SCFD1: variants seen among roughly 807,000 people sequenced by gnomAD.
SCFD1 encodes the protein sec1 family domain-containing protein 1.
In SCFD1, 37 loss-of-function variants were observed where a neutral mutation model predicts 103.2. That is an observed-to-expected ratio of 0.36 (90% CI 0.28 to 0.47). The LOEUF (loss-of-function observed/expected upper bound fraction) is 0.47. Among genes scored for constraint, SCFD1 ranks in the 20% least tolerant of loss-of-function variants. The pLI is 1.00. For missense variants in SCFD1, 639 were observed against 761.2 expected (o/e 0.84, Z 1.89); for synonymous variants, 264 against 245.0 (o/e 1.08, Z -0.73).
intron 23 of SCFD1, among the ~76,000 whole-genome samples, chr14:30,732,081 C>T (rs1398894983): frequency 6.6e-6 from 1 of 152,218 alleles, no homozygotes; most frequent in East Asian, 1.9e-4. Context: ...TGAATTTTGT[C>T]AAAGACAAAA....
At chr14:30,636,897 T>C (rs1190823091) in intron 4 of SCFD1, among the ~76,000 whole-genome samples, 1 of 152,134 alleles carries the variant, frequency 6.6e-6, no homozygotes, top group African/African-American at 2.4e-5. Flanking sequence ...GCTGAACTTA[T>C]ATGTCCTTTT....
intron 3 of SCFD1, among the ~76,000 whole-genome samples, chr14:30,633,314 G>A (rs1566578065): frequency 6.6e-6 from 1 of 152,266 alleles, no homozygotes; most frequent in East Asian, 1.9e-4. Flanking sequence ...TGGGATATTT[G>A]TATGGAAATT....
At chr14:30,642,595 GA>G (rs1885393147) in intron 6 of SCFD1, among the ~76,000 whole-genome samples, 1 of 152,106 alleles carries the variant, frequency 6.6e-6, no homozygotes, top group Non-Finnish European at 1.5e-5. Context: ...TAAAGAAAAT[GA>G]TATGCAATGT....
intron 1 of SCFD1, among the ~76,000 whole-genome samples, chr14:30,627,462 C>A (rs1332015071): frequency 6.6e-6 from 1 of 152,042 alleles, no homozygotes; most frequent in African/African-American, 2.4e-5. Context: ...AAAGACTGAT[C>A]CAGGCCGGGC....
At chr14:30,673,496 A>G (rs559979821) in intron 12 of SCFD1, 149 bp downstream of exon 12, 3 of 506,590 alleles carry the variant, frequency 5.9e-6, no homozygotes, top group African/African-American at 5.8e-5. Context: ...GTGATCAAAA[A>G]GAAATCTAAA....
chr14:30,645,083 T>G (rs1157118234), intron 7 of SCFD1, among the ~76,000 whole-genome samples: 10 of 152,202 alleles, frequency 6.6e-5, no homozygotes. Flanking sequence ...ACTTACTGAA[T>G]AGGGAGTTCT....
chr14:30,693,099 G>GT (rs1204023663), intron 14 of SCFD1, among the ~76,000 whole-genome samples: 1 of 152,152 alleles, frequency 6.6e-6, no homozygotes, highest in Non-Finnish European at 1.5e-5. Context: ...ATATCAGAGA[G>GT]TCTGAAGAAT....
At chr14:30,658,057 T>A (rs892796353) in intron 10 of SCFD1, 2 of 454,330 alleles carry the variant, frequency 4.4e-6, no homozygotes, top group Admixed American at 4.7e-5. Flanking sequence ...AAGCCCTGAT[T>A]CTTTTTTATT....
chr14:30,623,835 G>A (rs926472433), intron 1 of SCFD1, among the ~76,000 whole-genome samples: 3 of 151,992 alleles, frequency 2.0e-5, no homozygotes, highest in African/African-American at 7.3e-5. Context: ...TTCAGAGGAA[G>A]GTAAATCCTT....
chr14:30,653,827 TGGAAAAGAA>T (rs1886630020), intron 10 of SCFD1: 2 of 301,500 alleles, frequency 6.6e-6, no homozygotes, highest in African/African-American at 4.3e-5. Flanking sequence ...TTGTTGGCCA[TGGAAAAGAA>T]GGAAAAGAAA....
chr14:30,719,435 AT>A (rs1892502135), intron 21 of SCFD1, 58 bp downstream of exon 21: 10 of 1,266,550 alleles, frequency 7.9e-6, no homozygotes, highest in African/African-American at 4.5e-5. Context: ...AATGGAAATA[AT>A]TTTTTTATTA....
rs73251162 is a variant in SCFD1, at chr14:30,638,371, A to G, written c.435+124A>G. On this transcript the variant is annotated intron_variant, in intron 5 of 24. Coordinates refer to ENST00000458591, the MANE Select transcript of SCFD1 (RefSeq NM_016106.4). The stretch of plus-strand genomic sequence containing the variant: ...AGAACAACAGAATTGTTTAGGCTCA[A>G]TACTTTTATAAAGAGTTCTGATAAT... 795 of 1,342,218 alleles carry G rather than the reference A, an allele frequency of 5.9e-4. 3 individuals are homozygous for G. In the African/African-American group the frequency reaches 0.011, roughly 19 times the overall value. 83.1% of individuals were successfully genotyped at this position (1,342,218 alleles called of 1,614,324 possible). A position where few individuals can be genotyped will look rare whatever the true frequency, so the allele number is the denominator to read the frequency against.
chr14:30,728,502 A>G (rs1893208061), intron 23 of SCFD1, among the ~76,000 whole-genome samples: 1 of 152,202 alleles, frequency 6.6e-6, no homozygotes, highest in South Asian at 2.1e-4. Flanking sequence ...ATTCTAGACA[A>G]GACCTGTTGC....
chr14:30,672,462 G>A (rs1293352205), intron 11 of SCFD1, among the ~76,000 whole-genome samples: 1 of 152,104 alleles, frequency 6.6e-6, no homozygotes. Context: ...GAGGAAGGGG[G>A]GAAAGGTTTT....
chr14:30,674,910 C>T, intron 13 of SCFD1, 74 bp from the exon 14 acceptor site: 1 of 785,806 alleles, frequency 1.3e-6, no homozygotes. Context: ...ACAGGGGAAA[C>T]ACCAGGCATG....
intron 4 of SCFD1, among the ~76,000 whole-genome samples, chr14:30,636,018 T>C (rs1386928806): frequency 6.6e-6 from 1 of 152,128 alleles, no homozygotes; most frequent in Admixed American, 6.5e-5. Flanking sequence ...TTAAGCATCT[T>C]TTAACATGCT....
intron 7 of SCFD1, among the ~76,000 whole-genome samples, chr14:30,644,387 A>G (rs901579436): frequency 5.3e-5 from 8 of 152,208 alleles, no homozygotes; most frequent in African/African-American, 1.9e-4. Context: ...GCTGAGTCGG[A>G]TGGTAGTTCT....
rs995720855 is a variant in SCFD1 at position 30,670,488 on chromosome 14, T to C, written c.995+93T>C. The C allele has an allele frequency of 5.8e-6, 5 of 865,776 alleles. No individual in the cohort carries two copies. In the South Asian group the frequency reaches 6.6e-5, roughly 11 times the overall value. 53.6% of individuals were successfully genotyped at this position (865,776 alleles called of 1,614,324 possible). On this transcript the variant is annotated intron_variant, in intron 11 of 24. Coordinates refer to ENST00000458591, the MANE Select transcript of SCFD1 (RefSeq NM_016106.4). ...ATGAATTTGAGAAAAAAAAGGGTCATGTAGGTTCGTTCACCCAATGAGTGG... is the reference window on the plus strand; with the variant it reads ...ATGAATTTGAGAAAAAAAAGGGTCACGTAGGTTCGTTCACCCAATGAGTGG...
At chr14:30,707,282 A>G (rs974581860) in intron 18 of SCFD1, among the ~76,000 whole-genome samples, 30 of 152,316 alleles carry the variant, frequency 2.0e-4, no homozygotes, top group African/African-American at 6.7e-4. Context: ...AATCTGTCCC[A>G]CAAAACATCT....
Sources: allele counts gnomAD v4.1 joint callset (sites outside exome capture counted in the v4.1 genomes callset), GRCh38; gene constraint gnomAD v4.1.1; transcripts MANE v1.5; gene names NCBI Gene and HGNC (gene_info 2026-07-23, HGNC 2026-07-21).